The following PRKCB variants were observed in gnomAD, a reference collection of about 807,000 sequenced individuals.
PRKCB encodes the protein protein kinase C beta.
PRKCB carries 13 observed loss-of-function variants against 81.5 expected under a neutral mutation model. The ratio of observed to expected loss-of-function variants is 0.16; its 90% CI spans 0.10 to 0.25. The LOEUF (loss-of-function observed/expected upper bound fraction) is 0.25, where lower values mean the gene tolerates loss of function less well. PRKCB is among the 10% of genes least tolerant of loss of function. The pLI, the probability that PRKCB is intolerant of heterozygous loss-of-function variation, is 1.00. For synonymous variants in PRKCB, 335 were observed against 321.4 expected (o/e 1.04, Z -0.45); for missense variants, 509 against 875.7 (o/e 0.58, Z 5.29).
At chr16:24,206,846 G>C (rs1968054728) in intron 16 of PRKCB, among the ~76,000 whole-genome samples, 1 of 152,206 alleles carries the variant, frequency 6.6e-6, no homozygotes, top group Admixed American at 6.5e-5. Flanking sequence ...CTCGGCAGAG[G>C]ATCTACAACA....
chr16:23,946,534 A>G (rs1350569612), intron 2 of PRKCB, among the ~76,000 whole-genome samples: 2 of 152,028 alleles, frequency 1.3e-5, no homozygotes, highest in African/African-American at 4.8e-5. Flanking sequence ...TTAGAGGGCT[A>G]TAGGGTTGTT....
chr16:23,875,612 A>ACACATACATGTATGTATAT lies in PRKCB; in HGVS notation c.205+38210_205+38211insTACATGTATGTATATCACA, dbSNP rs1567298513. ...TATCACACACATATGTATGTATATC[A>ACACATACATGTATGTATAT]CACACATATATGTATGTATATCACA... On this transcript the variant is annotated intron_variant, in intron 2 of 16. Transcript: ENST00000643927. 1.5e-4 allele frequency among the ~76,000 whole-genome samples: 5 copies of ACACATACATGTATGTATAT among 33,540 alleles called. 1 individual carries two copies. Among genetic ancestry groups the ACACATACATGTATGTATAT allele is most frequent in the African/African-American group, 6.4e-4 (5 of 7,786 alleles). The allele number at this position is 33,540 out of a possible 152,430, so 22.0% of individuals were successfully genotyped here.
intron 5 of PRKCB, among the ~76,000 whole-genome samples, chr16:24,054,492 A>T (rs932790672): frequency 1.3e-5 from 2 of 152,234 alleles, no homozygotes; most frequent in African/African-American, 4.8e-5. Flanking sequence ...TGGTGCTGGA[A>T]TTTAAACCCA....
intron 2 of PRKCB, chr16:23,869,167 G>A (rs1475082548): frequency 6.6e-6 from 3 of 452,874 alleles, no homozygotes; most frequent in South Asian, 1.6e-5. Flanking sequence ...TGGAACGTGA[G>A]CAGACACAAT....
At chr16:24,025,625 T>C (rs911173331) in intron 3 of PRKCB, among the ~76,000 whole-genome samples, 2 of 152,214 alleles carry the variant, frequency 1.3e-5, no homozygotes, top group Non-Finnish European at 2.9e-5. Flanking sequence ...AGTGCCGTGA[T>C]GGAGAGGATT....
chr16:24,184,259 CA>C (rs1967669114), intron 13 of PRKCB, among the ~76,000 whole-genome samples: 1 of 152,054 alleles, frequency 6.6e-6, no homozygotes, highest in African/African-American at 2.4e-5. Flanking sequence ...AGTTTGAGAT[CA>C]GTCTGGGCAA....
At chr16:24,109,034 AC>A (rs1297768768) in intron 7 of PRKCB, among the ~76,000 whole-genome samples, 23 of 133,710 alleles carry the variant, frequency 1.7e-4, no homozygotes, top group Non-Finnish European at 2.9e-4. Context: ...CGGGGGGCTG[AC>A]CCCCCCACCT....
intron 2 of PRKCB, among the ~76,000 whole-genome samples, chr16:23,838,799 G>A (rs1266993024): frequency 6.6e-6 from 1 of 152,142 alleles, no homozygotes; most frequent in African/African-American, 2.4e-5. Flanking sequence ...GTCCCGGTGG[G>A]CTCAGTGAGC....
In PRKCB at chr16:23,888,661, C is replaced by T. The variant is rs868223736; in HGVS notation, c.205+51255C>T. 4.8e-4 allele frequency among the ~76,000 whole-genome samples: 70 copies of T among 146,802 alleles called. 3 individuals carry two copies. In the Middle Eastern group the frequency reaches 0.01, roughly 22 times the overall value. On this transcript the variant is annotated intron_variant, in intron 2 of 16. Transcript: ENST00000643927. ...TTATCCTCCCTCCCTCTGCCACCCT[C>T]GTCATGTTTCTCGACCACAACCTGT... is the stretch of plus-strand genomic sequence containing the variant.
intron 3 of PRKCB, among the ~76,000 whole-genome samples, chr16:23,993,149 T>C (rs1342683266): frequency 1.3e-5 from 2 of 152,070 alleles, no homozygotes; most frequent in African/African-American, 4.8e-5. Context: ...CGGGGAGGTA[T>C]GCTATACCCC....
At chr16:23,886,406 G>GTTTTTTTGTTTTTTTTTGTTTTTTTTT (rs1963201713) in intron 2 of PRKCB, among the ~76,000 whole-genome samples, 1 of 70,202 alleles carries the variant, frequency 1.4e-5, no homozygotes, top group African/African-American at 6.5e-5. Flanking sequence ...TGTGTTAGGT[G>GTTTTTTTGTTTTTTTTTGTTTTTTTTT]TTTTTTTTTT....
At chr16:24,104,442 G>A (rs1966550141) in intron 7 of PRKCB, among the ~76,000 whole-genome samples, 1 of 152,160 alleles carries the variant, frequency 6.6e-6, no homozygotes, top group Non-Finnish European at 1.5e-5. Flanking sequence ...TGGCCTCATG[G>A]AGTTTTCTTT....
chr16:23,924,563 T>A (rs113218222), intron 2 of PRKCB, among the ~76,000 whole-genome samples: 11 of 152,200 alleles, frequency 7.2e-5, no homozygotes, highest in African/African-American at 2.6e-4. Flanking sequence ...GTGACACATA[T>A]ATTAATTAAT....
intron 9 of PRKCB, among the ~76,000 whole-genome samples, chr16:24,132,449 TAC>T (rs1966854657): frequency 6.6e-6 from 1 of 152,234 alleles, no homozygotes; most frequent in Non-Finnish European, 1.5e-5. Flanking sequence ...CCCTTGTAGG[TAC>T]AGAGGCAATG....
In PRKCB at chr16:23,882,020, T is replaced by TCC. The variant is rs1963124110; in HGVS notation, c.205+44614_205+44615insCC. Among the ~76,000 whole-genome samples the TCC allele has an allele frequency of 6.2e-3, 525 of 84,654 alleles. 16 individuals carry two copies. Among genetic ancestry groups the TCC allele is most frequent in the African/African-American group, 0.013 (293 of 22,082 alleles). The allele number at this position is 84,654 out of a possible 152,430, so 55.5% of individuals were successfully genotyped here. A position where few individuals can be genotyped will look rare whatever the true frequency, so the allele number is the denominator to read the frequency against. On this transcript the variant is annotated intron_variant, in intron 2 of 16. Coordinates refer to ENST00000643927, the MANE Select transcript of PRKCB (RefSeq NM_002738.7). ...TTTCTTTCTTTCTTTCTTTCTTTCT[T>TCC]TCTTCCTTCCTTCCTTCCTTCCTTC...
intron 6 of PRKCB, 95 bp from the exon 7 acceptor site, chr16:24,094,068 A>G: frequency 7.2e-7 from 1 of 1,382,842 alleles, no homozygotes; most frequent in Non-Finnish European, 9.8e-7. Flanking sequence ...TAATCTTTAA[A>G]ACTTTCTACC....
At chr16:24,166,935 C>T (rs1248314936) in intron 10 of PRKCB, among the ~76,000 whole-genome samples, 3 of 151,996 alleles carry the variant, frequency 2.0e-5, no homozygotes, top group African/African-American at 7.3e-5. Flanking sequence ...GGAGCGATCC[C>T]CTGATGTGGG....
At chr16:24,142,607 T>C (rs1966917547) in intron 9 of PRKCB, among the ~76,000 whole-genome samples, 1 of 152,148 alleles carries the variant, frequency 6.6e-6, no homozygotes, top group Admixed American at 6.5e-5. Context: ...GGCCCAAGCA[T>C]CGGCTTCTAA....
At chr16:23,962,217 G>C (rs191611243) in intron 2 of PRKCB, among the ~76,000 whole-genome samples, 1 of 152,164 alleles carries the variant, frequency 6.6e-6, no homozygotes, top group Admixed American at 6.5e-5. Context: ...ATTTCCATTT[G>C]GTGGTGCCAT....
Sources: allele counts gnomAD v4.1 joint callset (sites outside exome capture counted in the v4.1 genomes callset), GRCh38; gene constraint gnomAD v4.1.1; transcripts MANE v1.5; gene names NCBI Gene and HGNC (gene_info 2026-07-23, HGNC 2026-07-21).